Variants in PKD1 observed in about 807,000 individuals in gnomAD.
PKD1 encodes the protein polycystin-1.
In PKD1, 81 loss-of-function variants were observed where a neutral mutation model predicts 361.7. That is an observed-to-expected ratio of 0.22 (90% CI 0.19 to 0.27). PKD1 has a LOEUF of 0.27. PKD1 is among the 10% of genes least tolerant of loss of function. PKD1 has a pLI of 1.00. For missense variants in PKD1, 6,399 were observed against 6,118.3 expected, an observed-to-expected ratio of 1.05 and a Z score of -1.53; for synonymous variants, 3,615 against 2,818.3, an observed-to-expected ratio of 1.28 and a Z score of -8.95.
chr16:2,111,479 C>G lies in PKD1; in HGVS notation c.3688G>C (p.Val1230Leu). The change falls in exon 15 of 46, where the codon GTG (valine) becomes CTG (leucine). Residue 1230 changes from valine (V) to leucine (L), a missense_variant. Coordinates refer to ENST00000262304, the MANE Select transcript of PKD1 (RefSeq NM_001009944.3). ...SLAVEQGAPV[V>L]VSAAVQTGDN... Reference sequence around the variant, plus strand: ...CCCGTCTGCACCGCGGCGCTGACCACCACGGGGGCGCCCTGCTCCACGGCC... The same window carrying G: ...CCCGTCTGCACCGCGGCGCTGACCAGCACGGGGGCGCCCTGCTCCACGGCC... The G allele has an allele frequency of 6.2e-7, 1 of 1,611,456 alleles. No individual in the cohort carries two copies. Among genetic ancestry groups the G allele is most frequent in the South Asian group, 1.1e-5 (1 of 90,972 alleles).
At chr16:2,124,559 C>T (rs1215569777) in intron 1 of PKD1, among the ~76,000 whole-genome samples, 2 of 152,186 alleles carry the variant, frequency 1.3e-5, no homozygotes, top group African/African-American at 2.4e-5. Flanking sequence ...TCCCGGGGCC[C>T]TCCCAATCCA....
Position 2,106,430 on chromosome 16 carries a change from G to A in PKD1, c.7457C>T (p.Ala2486Val), listed in dbSNP as rs547751652. The A allele has an allele frequency of 1.1e-5, 18 of 1,588,764 alleles. No homozygotes were observed. The East Asian group carries it at 3.2e-4, about 28-fold the overall frequency. ...CRLFPLGAVH[A>V]LTTKVHFECT... ...TTCGAAGTGCACCTTGGTGGTGAGG[G>A]CGTGCACAGCGCCCAGTGGGAAGAG... is the stretch of plus-strand genomic sequence containing the variant. The change falls in exon 18 of 46, where the codon GCC becomes GTC. Residue 2486 changes from alanine (A) to valine (V), a missense_variant. Ala to Val is a moderately conservative substitution (Grantham distance 64). Transcript: ENST00000262304. The surrounding 1 kb of genome is among the most constrained non-coding windows in gnomAD (Gnocchi z 6.5).
chr16:2,114,009 C>G (rs2092585323), intron 11 of PKD1, 161 bp downstream of exon 11: 3 of 646,364 alleles, frequency 4.6e-6, no homozygotes, highest in Admixed American at 5.4e-5. Context: ...TAAAGCCCAC[C>G]AGGTAGCCCG....
rs1212642476 is a variant in PKD1, at chr16:2,118,951, C to A, written c.360-106G>T. 5 of 743,586 alleles carry A rather than the reference C, an allele frequency of 6.7e-6. No homozygotes were observed. The highest frequency in any genetic ancestry group is 1.1e-5 in the Non-Finnish European group (5 of 438,520). The allele number at this position is 743,586 out of a possible 1,614,324, so 46.1% of individuals were successfully genotyped here. A position where few individuals can be genotyped will look rare whatever the true frequency, so the allele number is the denominator to read the frequency against. ...GAGCCACCCTGACAGCACCGCCTCC[C>A]CTGCCCCAACCAAGCCGGCACTGGG... On this transcript the variant is annotated intron_variant, in intron 3 of 45. Transcript: ENST00000262304. The surrounding 1 kb of genome is among the most constrained non-coding windows in gnomAD (Gnocchi z 6.0).
Position 2,111,558 on chromosome 16 carries a change from C to T in PKD1, c.3609G>A (p.Gln1203=), listed in dbSNP as rs774525611. Residue 1203 remains glutamine, a synonymous_variant, in exon 15 of 46, where the codon CAG becomes CAA. Transcript: ENST00000262304. ...GCTCCTCAAAGACGCGCACATCCGC[C>T]TGGGCCGCCGCACCGCTCACCGTGT... ...VNNTVSGAAA[Q]ADVRVFEELR... The T allele has an allele frequency of 1.9e-6, 3 of 1,584,228 alleles. No individual in the cohort carries two copies. The highest frequency in any genetic ancestry group is 2.6e-6 in the Non-Finnish European group (3 of 1,166,356).
At position 2,117,644 on chromosome 16, in the gene PKD1, C is replaced by T. The variant is rs746371012; in HGVS notation, c.1230G>A (p.Thr410=). ...RAVHPLCPSD[T]EIFPGNGHCY... Reference sequence around the variant, plus strand: ...AGTGCCCGTTGCCAGGGAAGATCTCCGTGTCCGAGGGGCAGAGCGGGTGCA... The same window carrying T: ...AGTGCCCGTTGCCAGGGAAGATCTCTGTGTCCGAGGGGCAGAGCGGGTGCA... Residue 410 remains threonine (T), a synonymous_variant, in exon 6 of 46, where the codon ACG becomes ACA. Transcript: ENST00000262304. 1.6e-5 allele frequency: 25 copies of T among 1,610,470 alleles called. No individual in the cohort carries two copies. Among genetic ancestry groups the T allele is most frequent in the African/African-American group, 2.7e-5 (2 of 74,848 alleles).
Position 2,105,518 on chromosome 16 carries a change from G to A in PKD1, c.7864-44C>T, listed in dbSNP as rs1379276817. ...ACAGCAAGCTGTCAGCAGCGCAGGA[G>A]GCCGGCAGGAGGCCAGCAGATGCCC... On this transcript the variant is annotated intron_variant, in intron 20 of 45. Transcript: ENST00000262304. 4.4e-6 allele frequency: 7 copies of A among 1,594,908 alleles called. No individual in the cohort carries two copies. The African/African-American group carries it at 6.7e-5, about 15-fold the overall frequency.
chr16:2,088,881 G>GCGCACA lies in PKD1; in HGVS notation c.*845_*846insTGTGCG, dbSNP rs142285430. The GCGCACA allele has an allele frequency of 0.081, 34,004 of 419,840 alleles. 2,630 individuals are homozygous for GCGCACA. Among genetic ancestry groups the GCGCACA allele is most frequent in the African/African-American group, 0.32 (14,103 of 44,296 alleles). The allele number at this position is 419,840 out of a possible 1,614,324, so 26.0% of individuals were successfully genotyped here. ...ACAGCACACTCGCGCGTGCGCGCGC[G>GCGCACA]CACACACACACACACACAGTCACCT... On this transcript the variant is annotated 3_prime_UTR_variant, in exon 46 of 46. Coordinates refer to ENST00000262304, the MANE Select transcript of PKD1 (RefSeq NM_001009944.3).
In PKD1 at chr16:2,115,475, T is replaced by C. The variant is rs1321084993; in HGVS notation, c.2000A>G (p.Asn667Ser). The C allele has an allele frequency of 5.0e-6, 8 of 1,602,380 alleles. No homozygotes were observed. Among genetic ancestry groups the C allele is most frequent in the South Asian group, 4.5e-5 (4 of 89,564 alleles). Reference sequence around the variant, plus strand: ...TAGCCCTGGCCCTGACGTGCAGCCATTGGCGCAGGCCTGGGGGTGGCAGGA... The same window carrying C: ...TAGCCCTGGCCCTGACGTGCAGCCACTGGCGCAGGCCTGGGGGTGGCAGGA... ...DASCHPQACA[N>S]GCTSGPGLPG... The change falls in exon 10 of 46, where the codon AAT becomes AGT. Residue 667 changes from asparagine (N) to serine (S), a missense_variant. Asn to Ser is a conservative substitution (Grantham distance 46). Transcript: ENST00000262304.
rs780212070 is a variant in PKD1 at position 2,091,137 on chromosome 16, G to A, written c.11750C>T (p.Ala3917Val). The change falls in exon 43 of 46, where the codon GCC (alanine) becomes GTC (valine). Residue 3917 changes from alanine (A) to valine (V), a missense_variant. By Grantham distance (64) the Ala-to-Val change is moderately conservative. Coordinates refer to ENST00000262304, the MANE Select transcript of PKD1 (RefSeq NM_001009944.3). ...LLLFAVHFAV[A>V]EARTWHREGR... is the part of the protein sequence containing the mutation. ...TTCCCTGTGCCAAGTACGGGCCTCG[G>A]CCACGGCGAAGTGCACGGCGAACAG... The A allele has an allele frequency of 4.0e-6, 6 of 1,482,482 alleles. No homozygotes were observed. The highest frequency in any genetic ancestry group is 2.9e-5 in the East Asian group (1 of 35,056). The allele number at this position is 1,482,482 out of a possible 1,614,324, so 91.8% of individuals were successfully genotyped here.
At position 2,097,335 on chromosome 16, in the gene PKD1, T is replaced by A. The variant is rs532844048; in HGVS notation, c.10389A>T (p.Lys3463Asn). The A allele has an allele frequency of 6.2e-7, 1 of 1,612,846 alleles. No homozygotes were observed. The highest frequency in any genetic ancestry group is 1.7e-5 in the Admixed American group (1 of 60,002). Residue 3463 changes from lysine (K) to asparagine (N), a missense_variant, in exon 33 of 46, where the codon AAA becomes AAT. Physicochemically the swap from Lys to Asn is moderately conservative, Grantham distance 94. Coordinates refer to ENST00000262304, the MANE Select transcript of PKD1 (RefSeq NM_001009944.3). ...FSLASPYSPA[K>N]SFSASDEDLI... is the part of the protein sequence containing the mutation. Reference sequence around the variant, plus strand: ...CCAGCTCACCTGATGCTGAGAAGGATTTGGCAGGCGAGTAGGGGCTGGCCA... The same window carrying A: ...CCAGCTCACCTGATGCTGAGAAGGAATTGGCAGGCGAGTAGGGGCTGGCCA...
chr16:2,099,412 T>C (rs562218024), intron 30 of PKD1: 2 of 613,574 alleles, frequency 3.3e-6, no homozygotes, highest in African/African-American at 1.8e-5. Flanking sequence ...CAGTCGTCCG[T>C]GGCGTCTGCT....
chr16:2,107,609 G>C, intron 16 of PKD1: 1 of 544,668 alleles, frequency 1.8e-6, no homozygotes, highest in Non-Finnish European at 3.4e-6. Context: ...GCTACCTCTG[G>C]GGTGGGAAGG....
intron 37 of PKD1, 147 bp from the exon 38 acceptor site, chr16:2,093,240 G>C (rs2091681736): frequency 1.1e-6 from 1 of 940,848 alleles, no homozygotes; most frequent in African/African-American, 1.6e-5. Context: ...ACCTGGCCAG[G>C]GTAATGGCAG....
Position 2,112,938 on chromosome 16 carries a change from T to C in PKD1, c.3011A>G (p.Asn1004Ser), listed in dbSNP as rs373333999. 5.6e-6 allele frequency: 9 copies of C among 1,602,668 alleles called. No individual in the cohort carries two copies. The highest frequency in any genetic ancestry group is 2.7e-5 in the African/African-American group (2 of 74,842). ...GGTTACGTTGTAGTTCACGGTGACG[T>C]TGCTCACGTGGTTGGAGGCCGTCAG... ...LSLTASNHVS[N>S]VTVNYNVTVE... Residue 1004 changes from asparagine to serine, a missense_variant, in exon 13 of 46, where the codon AAC becomes AGC. Coordinates refer to ENST00000262304, the MANE Select transcript of PKD1 (RefSeq NM_001009944.3).
chr16:2,119,227 C>T (rs757802550), intron 2 of PKD1, 42 bp from the exon 3 acceptor site: 3 of 1,452,806 alleles, frequency 2.1e-6, no homozygotes, highest in Admixed American at 3.4e-5. Flanking sequence ...TGGAAGCCCC[C>T]ACAGCTGAGC....
chr16:2,093,578 G>T lies in PKD1; in HGVS notation c.10982C>A (p.Ala3661Asp). The change falls in exon 37 of 46, where the codon GCC becomes GAC. Residue 3661 changes from alanine (A) to aspartate (D), a missense_variant. Physicochemically the swap from Ala to Asp is moderately radical, Grantham distance 126 (BLOSUM62 -2). Coordinates refer to ENST00000262304, the MANE Select transcript of PKD1 (RefSeq NM_001009944.3). ...GCCATGTAGCCTCTTGACCTTGCGG[G>T]CTTCTTCCTTGGCCAGGAAGAGTGC... is the stretch of plus-strand genomic sequence containing the variant. ...GFALFLAKEE[A>D]RKVKRLHGML... 1 of 1,607,158 alleles carries T rather than the reference G, an allele frequency of 6.2e-7. No individual in the cohort carries two copies. Among genetic ancestry groups the T allele is most frequent in the Non-Finnish European group, 8.5e-7 (1 of 1,177,100 alleles).
Position 2,091,771 on chromosome 16 carries a change from G to C in PKD1, c.11537+10C>G. The C allele has an allele frequency of 6.2e-7, 1 of 1,609,702 alleles. No individual in the cohort carries two copies. Among genetic ancestry groups the C allele is most frequent in the African/African-American group, 1.3e-5 (1 of 74,978 alleles). ...GCCACCCCGGAGAGGGCAGGGGAGG[G>C]AGCTCCCACCTGTTGTCCAGCCAGT... On this transcript the variant is annotated intron_variant, in intron 41 of 45. Coordinates refer to ENST00000262304, the MANE Select transcript of PKD1 (RefSeq NM_001009944.3).
rs1436280149 is a variant in PKD1, at chr16:2,112,556, G to A, written c.3162-83C>T. 8.4e-6 allele frequency: 11 copies of A among 1,308,478 alleles called. No individual in the cohort carries two copies. The East Asian group carries it at 2.0e-4, about 24-fold the overall frequency. 81.1% of individuals were successfully genotyped at this position (1,308,478 alleles called of 1,614,324 possible). Reference sequence around the variant, plus strand: ...CAGGGGGTGCTTGGGACCCAGCCGAGGCTCCACTCTGCAGTCACGCCCCGG... The same window carrying A: ...CAGGGGGTGCTTGGGACCCAGCCGAAGCTCCACTCTGCAGTCACGCCCCGG... On this transcript the variant is annotated intron_variant, in intron 13 of 45. Coordinates refer to ENST00000262304, the MANE Select transcript of PKD1 (RefSeq NM_001009944.3).
Sources: allele counts gnomAD v4.1 joint callset (sites outside exome capture counted in the v4.1 genomes callset), GRCh38; gene constraint gnomAD v4.1.1; non-coding constraint Gnocchi (gnomAD v3.1); transcripts MANE v1.5; gene names NCBI Gene and HGNC (gene_info 2026-07-23, HGNC 2026-07-21).